The following ITPR1 variants were observed in gnomAD, a reference collection of about 807,000 sequenced individuals.
The protein encoded by ITPR1 is inositol 1,4,5-trisphosphate receptor type 1.
ITPR1 carries 96 observed loss-of-function variants against 318.4 expected under a neutral mutation model. The observed-to-expected ratio is 0.30, with a 90% confidence interval of 0.26 to 0.36. The LOEUF (loss-of-function observed/expected upper bound fraction) is 0.36. ITPR1 is among the 10% of genes least tolerant of loss of function. The pLI, the probability that ITPR1 is intolerant of heterozygous loss-of-function variation, is 1.00. For synonymous variants in ITPR1, 1,312 were observed against 1,289.9 expected, an observed-to-expected ratio of 1.02 and a Z score of -0.37; for missense variants, 2,440 against 3,460.2, an observed-to-expected ratio of 0.71 and a Z score of 7.40.
Position 4,806,178 on chromosome 3 carries a change from G to A in ITPR1, c.7183G>A (p.Val2395Ile), listed in dbSNP as rs1465333488. 5 of 1,613,812 alleles carry A rather than the reference G, an allele frequency of 3.1e-6. 1 individual carries two copies. The highest frequency in any genetic ancestry group is 1.7e-6 in the Non-Finnish European group (2 of 1,179,778). Residue 2395 changes from valine (V) to isoleucine (I), a missense_variant, in exon 55 of 62, where the codon GTT (valine) becomes ATT (isoleucine). Coordinates refer to ENST00000649015, the MANE Select transcript of ITPR1 (RefSeq NM_001378452.1). ...ATTCACAAGAGGCTACCGAGCCATG[G>A]TTCTGGATGTTGAGTTCCTCTATCA... ...GTFTRGYRAM[V>I]LDVEFLYHLL... is the part of the protein sequence containing the mutation.
chr3:4,800,796 T>A (rs2048179330), intron 54 of ITPR1, among the ~76,000 whole-genome samples, 196 bp downstream of exon 54: 1 of 152,202 alleles, frequency 6.6e-6, no homozygotes, highest in Non-Finnish European at 1.5e-5. Context: ...GCAGTGAGCC[T>A]TGTAATGGAT....
At chr3:4,589,215 CAT>C (rs1310503154) in intron 4 of ITPR1, among the ~76,000 whole-genome samples, 1 of 152,126 alleles carries the variant, frequency 6.6e-6, no homozygotes, top group Non-Finnish European at 1.5e-5. Flanking sequence ...ACCTAGGAGA[CAT>C]ATTCATATAT....
In ITPR1 at chr3:4,813,095, C is replaced by T. The variant is rs367836705; in HGVS notation, c.7469-47C>T. 1.1e-5 allele frequency: 15 copies of T among 1,402,546 alleles called. No individual in the cohort carries two copies. In the Admixed American group the frequency reaches 1.5e-4, roughly 14 times the overall value. 86.9% of individuals were successfully genotyped at this position (1,402,546 alleles called of 1,614,324 possible). On this transcript the variant is annotated intron_variant, in intron 56 of 61. Coordinates refer to ENST00000649015, the MANE Select transcript of ITPR1 (RefSeq NM_001378452.1). ...AATTGGGGACTTCAAACATTTTAAC[C>T]ATATGCTGCCAGATTGTTCATCATA...
rs1282126280 is a variant in ITPR1, at chr3:4,710,230, CGTGCATCAGT to C, written c.4843-92_4843-83del. On this transcript the variant is annotated intron_variant, in intron 37 of 61. Transcript: ENST00000649015. This position sits in a 1 kb window ranked among gnomAD's most constrained non-coding sequence, Gnocchi z 4.2. ...TAAAGTTACTCTAACCTAGCCTACCCGTGCATCAGTGTTTTAGGGCAGAAATCAATGTCCT... is the reference window on the plus strand; with the variant it reads ...TAAAGTTACTCTAACCTAGCCTACCCGTTTTAGGGCAGAAATCAATGTCCT... 2 of 1,197,526 alleles carry C rather than the reference CGTGCATCAGT, an allele frequency of 1.7e-6. No homozygotes were observed. Among genetic ancestry groups the C allele is most frequent in the African/African-American group, 1.6e-5 (1 of 64,406 alleles). The allele number at this position is 1,197,526 out of a possible 1,614,324, so 74.2% of individuals were successfully genotyped here.
chr3:4,818,837 C>A (rs990887341), intron 60 of ITPR1, among the ~76,000 whole-genome samples: 2 of 152,196 alleles, frequency 1.3e-5, no homozygotes, highest in Non-Finnish European at 2.9e-5. Context: ...TGTTAGAGAA[C>A]ACTTCTCGGG....
At position 4,827,530 on chromosome 3, in the gene ITPR1, A is replaced by G. The variant is rs182905637; in HGVS notation, c.8029-9244A>G. 8.5e-5 allele frequency among the ~76,000 whole-genome samples: 13 copies of G among 152,344 alleles called. No homozygotes were observed. In the East Asian group the frequency reaches 2.5e-3, roughly 29 times the overall value. On this transcript the variant is annotated intron_variant, in intron 60 of 61. Coordinates refer to ENST00000649015, the MANE Select transcript of ITPR1 (RefSeq NM_001378452.1). ...GGAAAAGAGGTTAGTATTTAGGGATAGTCATTTGTATGAGAAAGCTATACA... is the reference window on the plus strand; with the variant it reads ...GGAAAAGAGGTTAGTATTTAGGGATGGTCATTTGTATGAGAAAGCTATACA...
Position 4,518,462 on chromosome 3 carries a change from T to A in ITPR1, c.92+1879T>A, listed in dbSNP as rs540338652. Reference sequence around the variant, plus strand: ...GCTAATACTTTCTTGAGATGAATACTTTATTTTCTCAGTTGCTTGCACATA... The same window carrying A: ...GCTAATACTTTCTTGAGATGAATACATTATTTTCTCAGTTGCTTGCACATA... On this transcript the variant is annotated intron_variant, in intron 3 of 61. Coordinates refer to ENST00000649015, the MANE Select transcript of ITPR1 (RefSeq NM_001378452.1). 2.6e-5 allele frequency among the ~76,000 whole-genome samples: 4 copies of A among 152,350 alleles called. No individual in the cohort carries two copies. In the East Asian group the frequency reaches 7.7e-4, roughly 29 times the overall value.
intron 5 of ITPR1, among the ~76,000 whole-genome samples, chr3:4,631,408 A>G (rs975320756): frequency 3.9e-5 from 6 of 152,062 alleles, no homozygotes; most frequent in Non-Finnish European, 7.4e-5. Context: ...AAAAATATGT[A>G]TGTTACTATT....
chr3:4,758,254 G>A (rs1340085160), intron 44 of ITPR1, among the ~76,000 whole-genome samples: 1 of 152,122 alleles, frequency 6.6e-6, no homozygotes, highest in African/African-American at 2.4e-5. Flanking sequence ...CTGAAAGGTG[G>A]ACCAACTTTT....
At chr3:4,501,212 G>A (rs983797043) in intron 2 of ITPR1, among the ~76,000 whole-genome samples, 5 of 151,822 alleles carry the variant, frequency 3.3e-5, no homozygotes, top group African/African-American at 9.7e-5. Flanking sequence ...ACATGGAAGT[G>A]TATTTCGTGG....
chr3:4,807,056 T>G, intron 55 of ITPR1, among the ~76,000 whole-genome samples: 1 of 147,678 alleles, frequency 6.8e-6, no homozygotes, highest in Non-Finnish European at 1.5e-5. Context: ...GCCTAAGGGT[T>G]GGCTTACAAA....
chr3:4,620,603 T>C (rs1464405730), intron 4 of ITPR1, among the ~76,000 whole-genome samples: 1 of 152,108 alleles, frequency 6.6e-6, no homozygotes, highest in Non-Finnish European at 1.5e-5. Context: ...TCCATCTTTA[T>C]TTATTGCAAC....
At chr3:4,846,002 A>T (rs907580239) in intron 61 of ITPR1, 137 bp from the exon 62 acceptor site, 43 of 509,242 alleles carry the variant, frequency 8.4e-5, no homozygotes, top group Non-Finnish European at 1.1e-4. Context: ...TGTGTGTTTG[A>T]TATAGCGATG....
At chr3:4,645,272 A>G in intron 8 of ITPR1, 115 bp from the exon 9 acceptor site, 1 of 722,670 alleles carries the variant, frequency 1.4e-6, no homozygotes, top group South Asian at 1.6e-5. Flanking sequence ...CAATCTTTAG[A>G]GTTTTTAGTC....
chr3:4,640,239 G>T (rs889322601), intron 6 of ITPR1, among the ~76,000 whole-genome samples: 3 of 152,154 alleles, frequency 2.0e-5, no homozygotes, highest in African/African-American at 7.2e-5. Context: ...TAATTACATA[G>T]GAGTCCTTCC....
At chr3:4,510,941 T>G (rs1041694574) in intron 2 of ITPR1, among the ~76,000 whole-genome samples, 2 of 151,792 alleles carry the variant, frequency 1.3e-5, no homozygotes, top group African/African-American at 4.8e-5. Context: ...GCAGGGAACA[T>G]GAGAGAGGGA....
chr3:4,814,594 A>AT, intron 58 of ITPR1, 32 bp downstream of exon 58: 3 of 558,618 alleles, frequency 5.4e-6, no homozygotes, highest in Non-Finnish European at 8.5e-6. Flanking sequence ...GGAAGGGCAA[A>AT]GGGGGCGGGT....
chr3:4,536,158 T>C (rs976713736), intron 4 of ITPR1, among the ~76,000 whole-genome samples: 1 of 152,236 alleles, frequency 6.6e-6, no homozygotes, highest in Non-Finnish European at 1.5e-5. Flanking sequence ...GAGGTGCAAC[T>C]GGAGTTCAGT....
chr3:4,700,033 A>G (rs1464894184), intron 35 of ITPR1, 92 bp downstream of exon 35: 1 of 1,150,268 alleles, frequency 8.7e-7, no homozygotes, highest in East Asian at 2.4e-5. Context: ...TTGTAAATGA[A>G]CTGGTCTGCA....
Sources: allele counts gnomAD v4.1 joint callset (sites outside exome capture counted in the v4.1 genomes callset), GRCh38; gene constraint gnomAD v4.1.1; non-coding constraint Gnocchi (gnomAD v3.1); transcripts MANE v1.5; gene names NCBI Gene and HGNC (gene_info 2026-07-23, HGNC 2026-07-21).